PTCHD4: variants seen among roughly 807,000 people sequenced by gnomAD.
PTCHD4 encodes patched domain containing 4, also known as patched domain-containing protein 4.
Under a neutral mutation model 58.1 loss-of-function variants are expected in PTCHD4, and 33 were observed. The ratio of observed to expected loss-of-function variants is 0.57; its 90% confidence interval spans 0.43 to 0.76. PTCHD4 has a LOEUF of 0.76. PTCHD4 is among the 30% of genes least tolerant of loss of function. PTCHD4 has a pLI of 0.00. For synonymous variants in PTCHD4, 478 were observed against 409.6 expected, an observed-to-expected ratio of 1.17 and a Z score of -2.02; for missense variants, 1,058 against 1,027.1, an observed-to-expected ratio of 1.03 and a Z score of -0.41.
intron 3 of PTCHD4, among the ~76,000 whole-genome samples, chr6:48,030,247 T>A (rs775593000): frequency 2.6e-5 from 4 of 152,138 alleles, no homozygotes; most frequent in Non-Finnish European, 5.9e-5. Context: ...CTTGCTGTAA[T>A]TTATTGTATT....
rs1764859364 is a variant in PTCHD4, at chr6:48,068,102, T to C, written c.417+128A>G. 4 of 1,014,674 alleles carry C rather than the reference T, an allele frequency of 3.9e-6. No individual in the cohort carries two copies. Among genetic ancestry groups the C allele is most frequent in the Non-Finnish European group, 5.8e-6 (4 of 690,648 alleles). The allele number at this position is 1,014,674 out of a possible 1,614,324, so 62.9% of individuals were successfully genotyped here. A position where few individuals can be genotyped will look rare whatever the true frequency, so the allele number is the denominator to read the frequency against. ...CCTCACTTGCACCCTGGCTGTTGTCTTATTGGAGACGGCAGCCTGCCTGAG... is the reference window on the plus strand; with the variant it reads ...CCTCACTTGCACCCTGGCTGTTGTCCTATTGGAGACGGCAGCCTGCCTGAG... On this transcript the variant is annotated intron_variant, in intron 3 of 4. Transcript: ENST00000339488. This position sits in a 1 kb window ranked among gnomAD's most constrained non-coding sequence, Gnocchi z 4.2.
intron 1 of PTCHD4, among the ~76,000 whole-genome samples, chr6:48,072,748 G>T (rs1202337475): frequency 6.6e-6 from 1 of 152,072 alleles, no homozygotes; most frequent in African/African-American, 2.4e-5. Flanking sequence ...CCAACTATGA[G>T]TTTATATTTA....
At chr6:47,985,928 A>G (rs1254911787) in intron 4 of PTCHD4, among the ~76,000 whole-genome samples, 1 of 151,938 alleles carries the variant, frequency 6.6e-6, no homozygotes, top group Non-Finnish European at 1.5e-5. Context: ...TTCATGAAAA[A>G]TTTCAGCCTA....
At chr6:48,043,764 T>G (rs2114156270) in intron 3 of PTCHD4, among the ~76,000 whole-genome samples, 1 of 151,918 alleles carries the variant, frequency 6.6e-6, no homozygotes, top group Non-Finnish European at 1.5e-5. Flanking sequence ...TGCCAAGTAT[T>G]TATAAAAGTG....
At chr6:48,094,089 T>G (rs2113905142) in intron 1 of PTCHD4, among the ~76,000 whole-genome samples, 1 of 152,238 alleles carries the variant, frequency 6.6e-6, no homozygotes, top group African/African-American at 2.4e-5. Context: ...TTCAGAAGAT[T>G]TAGACGAAAT....
At chr6:47,981,874 T>C (rs940813135) in intron 4 of PTCHD4, among the ~76,000 whole-genome samples, 7 of 152,182 alleles carry the variant, frequency 4.6e-5, no homozygotes, top group Non-Finnish European at 8.8e-5. Context: ...CATTTCCAGT[T>C]GTCATCCAGG....
rs1430492965 is a variant in PTCHD4 at position 48,093,412 on chromosome 6, TCC to T, written c.-970+17635_-970+17636del. Among the ~76,000 whole-genome samples, 11 of 152,276 alleles carry T rather than the reference TCC, an allele frequency of 7.2e-5. No homozygotes were observed. The South Asian group carries it at 1.7e-3, about 23-fold the overall frequency. ...GAAATTAAACTTTTTAAATTTTATT[TCC>T]TAACTTTGGGGGAAAGTTAACTGTT... On this transcript the variant is annotated intron_variant, in intron 1 of 4. Transcript: ENST00000339488.
At chr6:48,015,402 G>T (rs1469437409) in intron 3 of PTCHD4, among the ~76,000 whole-genome samples, 1 of 151,890 alleles carries the variant, frequency 6.6e-6, no homozygotes, top group African/African-American at 2.4e-5. Context: ...GGCTTCAAAG[G>T]CCCTGCTTAG....
intron 4 of PTCHD4, among the ~76,000 whole-genome samples, chr6:47,987,756 T>C (rs778278199): frequency 7.2e-5 from 11 of 152,012 alleles, no homozygotes; most frequent in Non-Finnish European, 1.6e-4. Context: ...CTAATCCCCA[T>C]GTCTTACTCT....
In PTCHD4 at chr6:47,875,500, A is replaced by G. The variant is rs933655890; in HGVS notation, c.*2803T>C. Among the ~76,000 whole-genome samples, 10 of 151,834 alleles carry G rather than the reference A, an allele frequency of 6.6e-5. No homozygotes were observed. The highest frequency in any genetic ancestry group is 2.6e-4 in the Admixed American group (4 of 15,186). On this transcript the variant is annotated 3_prime_UTR_variant, in exon 5 of 5. Transcript: ENST00000339488. Reference sequence around the variant, plus strand: ...ACTGCATTAAGACACTTTAGGTGGTATATTAACTCTTCCAGAACAAATAAT... The same window carrying G: ...ACTGCATTAAGACACTTTAGGTGGTGTATTAACTCTTCCAGAACAAATAAT...
At chr6:48,103,622 G>T (rs191053228) in intron 1 of PTCHD4, among the ~76,000 whole-genome samples, 2 of 152,192 alleles carry the variant, frequency 1.3e-5, no homozygotes, top group Non-Finnish European at 2.9e-5. Context: ...CGAGTTGAGA[G>T]AGGAAGGCTT....
chr6:48,080,943 C>T lies in PTCHD4; in HGVS notation c.-969-11017G>A, dbSNP rs564074480. ...CATTGTATGTTTCTGATACTTGTTT[C>T]TGTTTTTGGTGATCTTCAGGATCTA... is the stretch of plus-strand genomic sequence containing the variant. On this transcript the variant is annotated intron_variant, in intron 1 of 4. Transcript: ENST00000339488. 3.9e-5 allele frequency among the ~76,000 whole-genome samples: 6 copies of T among 152,244 alleles called. No homozygotes were observed. The East Asian group carries it at 1.2e-3, about 29-fold the overall frequency.
chr6:47,876,255 A>G lies in PTCHD4; in HGVS notation c.*2048T>C, dbSNP rs1258087116. On this transcript the variant is annotated 3_prime_UTR_variant, in exon 5 of 5. Coordinates refer to ENST00000339488, the MANE Select transcript of PTCHD4 (RefSeq NM_001384253.1). ...GTGACATGACTTTACAAATAATGTAAAAACAATAACCCTATGATTATGGGC... is the reference window on the plus strand; with the variant it reads ...GTGACATGACTTTACAAATAATGTAGAAACAATAACCCTATGATTATGGGC... Among the ~76,000 whole-genome samples the G allele has an allele frequency of 6.6e-6, 1 of 151,924 alleles. No homozygotes were observed. The highest frequency in any genetic ancestry group is 1.9e-4 in the East Asian group (1 of 5,156).
intron 4 of PTCHD4, among the ~76,000 whole-genome samples, chr6:47,987,383 A>G (rs1275643529): frequency 1.3e-5 from 2 of 151,738 alleles, no homozygotes; most frequent in African/African-American, 2.4e-5. Context: ...GTTGTGCACA[A>G]GTACCCTAAA....
At chr6:47,934,638 G>T (rs1049416797) in intron 4 of PTCHD4, among the ~76,000 whole-genome samples, 8 of 152,036 alleles carry the variant, frequency 5.3e-5, no homozygotes, top group Non-Finnish European at 1.2e-4. Flanking sequence ...ATTTTCCTTA[G>T]ACTCCTAGAA....
intron 4 of PTCHD4, among the ~76,000 whole-genome samples, chr6:47,984,999 G>C (rs535921482): frequency 7.2e-5 from 11 of 152,060 alleles, no homozygotes; most frequent in Non-Finnish European, 1.3e-4. Flanking sequence ...GCAGTGAAAT[G>C]CATTGGGAAT....
intron 4 of PTCHD4, among the ~76,000 whole-genome samples, chr6:47,970,670 T>G (rs1370441799): frequency 6.6e-6 from 1 of 152,234 alleles, no homozygotes; most frequent in Non-Finnish European, 1.5e-5. Flanking sequence ...AACACAGTAC[T>G]GAAGAGTGAG....
At chr6:48,007,432 C>T (rs565082092) in intron 4 of PTCHD4, among the ~76,000 whole-genome samples, 15 of 152,152 alleles carry the variant, frequency 9.9e-5, no homozygotes, top group Admixed American at 2.0e-4. Context: ...TCTGACCACA[C>T]GCCTGCATCT....
At chr6:48,045,206 G>T (rs1055879096) in intron 3 of PTCHD4, among the ~76,000 whole-genome samples, 14 of 151,738 alleles carry the variant, frequency 9.2e-5, no homozygotes, top group African/African-American at 3.1e-4. Flanking sequence ...ACTGCATGCT[G>T]TACTTCTAAA....
Sources: allele counts gnomAD v4.1 joint callset (sites outside exome capture counted in the v4.1 genomes callset), GRCh38; gene constraint gnomAD v4.1.1; non-coding constraint Gnocchi (gnomAD v3.1); transcripts MANE v1.5; gene names NCBI Gene and HGNC (gene_info 2026-07-23, HGNC 2026-07-21).